The following ZNF518A variants were observed in gnomAD, a reference collection of about 807,000 sequenced individuals.
The protein encoded by ZNF518A is zinc finger protein 518A, also known as zinc finger protein 518.
In ZNF518A, 47 loss-of-function variants were observed where a neutral mutation model predicts 102.7. The ratio of observed to expected loss-of-function variants is 0.46; its 90% confidence interval spans 0.36 to 0.58. The LOEUF is 0.58. ZNF518A is among the 20% of genes least tolerant of loss of function. The pLI, the probability that ZNF518A is intolerant of heterozygous loss-of-function variation, is 0.00. For synonymous variants in ZNF518A, 652 were observed against 594.6 expected (o/e 1.10, Z -1.40); for missense variants, 1,793 against 1,699.8 (o/e 1.05, Z -0.96).
chr10:96,175,669 G>C (rs1202113705), intron 1 of ZNF518A, among the ~76,000 whole-genome samples: 1 of 152,164 alleles, frequency 6.6e-6, no homozygotes, highest in African/African-American at 2.4e-5. Context: ...TATACAGTCA[G>C]CCAACCCAAT....
intron 1 of ZNF518A, among the ~76,000 whole-genome samples, chr10:96,194,686 A>C (rs1229901279): frequency 6.6e-6 from 1 of 152,020 alleles, no homozygotes; most frequent in African/African-American, 2.4e-5. Flanking sequence ...AATGGAATAG[A>C]CATTTCTCTG....
chr10:96,137,692 T>C (rs1554875030), intron 3 of ZNF518A, among the ~76,000 whole-genome samples: 1 of 152,248 alleles, frequency 6.6e-6, no homozygotes, highest in Non-Finnish European at 1.5e-5. Flanking sequence ...GGATGTGTTA[T>C]AGAATCTTGA....
chr10:96,174,138 AACTT>A lies in ZNF518A; in HGVS notation n.35+18095_35+18098del, dbSNP rs1330837755. Among the ~76,000 whole-genome samples, 181 of 152,216 alleles carry A rather than the reference AACTT, an allele frequency of 1.2e-3. 1 individual carries two copies. Among genetic ancestry groups the A allele is most frequent in the African/African-American group, 4.3e-3 (178 of 41,574 alleles). On this transcript the variant is annotated intron_variant and non_coding_transcript_variant, in intron 1 of 2. Transcript: ENST00000442635. ...TGTGAGTATATTTAAAAAATAAAAA[AACTT>A]ACTGCAACAGAACTGTACACTTAAA... is the stretch of plus-strand genomic sequence containing the variant.
chr10:96,199,947 T>C lies in ZNF518A; in HGVS notation n.36-3627T>C, dbSNP rs1411356729. The C allele has an allele frequency of 9.5e-6, 5 of 524,108 alleles. No homozygotes were observed. In the African/African-American group the frequency reaches 1.0e-4, roughly 11 times the overall value. The allele number at this position is 524,108 out of a possible 1,614,324, so 32.5% of individuals were successfully genotyped here. On this transcript the variant is annotated intron_variant and non_coding_transcript_variant, in intron 1 of 2. Transcript: ENST00000442635. ...GCTGAGGCATGAGAATCACTTGAAC[T>C]TGGGAGGCAGGCAGAGGTTGCAGTG...
At chr10:96,192,100 A>G in intron 1 of ZNF518A, 2 of 1,613,472 alleles carry the variant, frequency 1.2e-6, no homozygotes, top group Non-Finnish European at 1.7e-6. Flanking sequence ...GTACTAGAGG[A>G]AGAAAACATA....
At chr10:96,182,028 A>C (rs1014584848) in intron 1 of ZNF518A, among the ~76,000 whole-genome samples, 1 of 152,238 alleles carries the variant, frequency 6.6e-6, no homozygotes, top group Non-Finnish European at 1.5e-5. Context: ...AGTGGTTTGT[A>C]GTTCTCCTTG....
At chr10:96,188,539 T>C (rs587608663) in intron 1 of ZNF518A, among the ~76,000 whole-genome samples, 259 of 152,260 alleles carry the variant, frequency 1.7e-3, no homozygotes, top group African/African-American at 5.8e-3. Context: ...TTTACTTAAA[T>C]AGAAAATAAT....
intron 1 of ZNF518A, among the ~76,000 whole-genome samples, chr10:96,186,601 T>C (rs2083273402): frequency 6.6e-6 from 1 of 152,218 alleles, no homozygotes; most frequent in African/African-American, 2.4e-5. Flanking sequence ...TTTCACCATG[T>C]TGGCCAAGAT....
At chr10:96,146,090 G>A (rs1411937269) in intron 3 of ZNF518A, among the ~76,000 whole-genome samples, 1 of 151,662 alleles carries the variant, frequency 6.6e-6, no homozygotes, top group Non-Finnish European at 1.5e-5. Context: ...AACTCTATAT[G>A]TCTACTGTTT....
At position 96,145,497 on chromosome 10, in the gene ZNF518A, C is replaced by T. The variant is rs965701554; in HGVS notation, c.-301-9829C>T. On this transcript the variant is annotated intron_variant, in intron 3 of 5. Coordinates refer to ENST00000316045, the MANE Select transcript of ZNF518A (RefSeq NM_001330736.2). ...TTAAATAAACCGACTAAAAACACTT[C>T]TCTTATAGCATGAATTTATATAGCA... Among the ~76,000 whole-genome samples, 68 of 152,224 alleles carry T rather than the reference C, an allele frequency of 4.5e-4. 1 individual carries two copies. Among genetic ancestry groups the T allele is most frequent in the Non-Finnish European group, 8.8e-5 (6 of 68,048 alleles).
chr10:96,166,511 G>C (rs782475562), downstream of ZNF518A, among the ~76,000 whole-genome samples: 76 of 152,120 alleles, frequency 5.0e-4, 1 homozygote, highest in Admixed American at 6.5e-5. Flanking sequence ...GGCTCAGTCT[G>C]TAATCCCAGC....
chr10:96,197,694 C>T (rs920464285), intron 1 of ZNF518A, among the ~76,000 whole-genome samples: 1 of 151,934 alleles, frequency 6.6e-6, no homozygotes, highest in Non-Finnish European at 1.5e-5. Context: ...TGCCCCTGGA[C>T]TAAAATCTTG....
intron 1 of ZNF518A, among the ~76,000 whole-genome samples, chr10:96,183,639 A>C (rs2083253147): frequency 6.6e-6 from 1 of 152,172 alleles, no homozygotes; most frequent in Non-Finnish European, 1.5e-5. Flanking sequence ...TGAGTTTCTT[A>C]ATCCTGAGTT....
At chr10:96,150,729 ACTTT>A (rs1185497978) in intron 3 of ZNF518A, among the ~76,000 whole-genome samples, 2 of 52,916 alleles carry the variant, frequency 3.8e-5, no homozygotes, top group African/African-American at 1.4e-4. Flanking sequence ...TATTGCAGCA[ACTTT>A]CTTTCTTTCC....
rs1029230156 is a variant in ZNF518A at position 96,163,467 on chromosome 10, A to G, written c.*2693A>G. On this transcript the variant is annotated 3_prime_UTR_variant, in exon 6 of 6. Transcript: ENST00000316045. ...TATTTTTTCTAGTTTGTCCATCTCCACTGAAATGGGTTTCTTACTATTTGG... is the reference window on the plus strand; with the variant it reads ...TATTTTTTCTAGTTTGTCCATCTCCGCTGAAATGGGTTTCTTACTATTTGG... 1 of 167,054 alleles carries G rather than the reference A, an allele frequency of 6.0e-6. No individual in the cohort carries two copies. The highest frequency in any genetic ancestry group is 2.4e-5 in the African/African-American group (1 of 41,464). 10.3% of individuals were successfully genotyped at this position (167,054 alleles called of 1,614,324 possible). A position where few individuals can be genotyped will look rare whatever the true frequency, so the allele number is the denominator to read the frequency against.
At chr10:96,152,347 G>T (rs1288031112) in intron 3 of ZNF518A, among the ~76,000 whole-genome samples, 1 of 152,156 alleles carries the variant, frequency 6.6e-6, no homozygotes, top group East Asian at 1.9e-4. Context: ...TTTGTTGGTG[G>T]GTAGAGATTG....
Position 96,157,950 on chromosome 10 carries a change from C to A in ZNF518A, c.1628C>A (p.Thr543Lys), listed in dbSNP as rs1318678373. 2.5e-6 allele frequency: 4 copies of A among 1,613,786 alleles called. No individual in the cohort carries two copies. The highest frequency in any genetic ancestry group is 1.6e-4 in the Middle Eastern group (1 of 6,062). The stretch of plus-strand genomic sequence containing the variant: ...TCTCAAAGGAATAATATGCTTCAAA[C>A]AATGGATTATGAGAAAAGTGTATCT... ...LISQRNNMLQ[T>K]MDYEKSVSSL... The change falls in exon 6 of 6, where the codon ACA becomes AAA. Residue 543 changes from threonine (T) to lysine (K), a missense_variant. Transcript: ENST00000316045.
At chr10:96,141,749 T>A (rs1489703245) in intron 3 of ZNF518A, among the ~76,000 whole-genome samples, 4 of 5,330 alleles carry the variant, frequency 7.5e-4, no homozygotes, top group African/African-American at 1.0e-3. Flanking sequence ...TTCTTCTTCA[T>A]TTTTTTTTTT....
downstream of ZNF518A, among the ~76,000 whole-genome samples, chr10:96,165,030 CTTTTAATATCTTGGAAG>C (rs1322685173): frequency 1.3e-5 from 2 of 152,166 alleles, no homozygotes; most frequent in African/African-American, 4.8e-5. Flanking sequence ...AGATGACTTG[CTTTTAATATCTTGGAAG>C]TTTAAAGGAG....
Sources: allele counts gnomAD v4.1 joint callset (sites outside exome capture counted in the v4.1 genomes callset), GRCh38; gene constraint gnomAD v4.1.1; transcripts MANE v1.5; gene names NCBI Gene and HGNC (gene_info 2026-07-23, HGNC 2026-07-21).